Variants in NAV3 observed in about 807,000 individuals in gnomAD.
NAV3 encodes neuron navigator 3, also known as pore membrane and/or filament interacting like protein 1.
NAV3 carries 87 observed loss-of-function variants against 244.7 expected under a neutral mutation model. That is an observed-to-expected ratio of 0.36 (90% confidence interval 0.30 to 0.42). The LOEUF (loss-of-function observed/expected upper bound fraction) is 0.42. NAV3 is among the 20% of genes least tolerant of loss of function. NAV3 has a pLI of 1.00. For synonymous variants in NAV3, 1,126 were observed against 1,042.2 expected (o/e 1.08, Z -1.55); for missense variants, 2,663 against 2,893.3 (o/e 0.92, Z 1.83).
At chr12:77,674,033 C>T (rs696472) in intron 2 of NAV3, among the ~76,000 whole-genome samples, 24,323 of 135,230 alleles carry the variant, frequency 0.18, 3,064 homozygotes, top group African/African-American at 0.43. Flanking sequence ...ATGAAATGAA[C>T]CATCATTTCC....
At chr12:77,902,203 T>A (rs888633491) in intron 1 of NAV3, among the ~76,000 whole-genome samples, 2 of 152,228 alleles carry the variant, frequency 1.3e-5, no homozygotes, top group African/African-American at 4.8e-5. Flanking sequence ...GTAATCAGGA[T>A]GCTACTTTGC....
chr12:78,127,084 G>C (rs542725951), intron 16 of NAV3, 83 bp from the exon 17 acceptor site: 1 of 1,402,180 alleles, frequency 7.1e-7, no homozygotes, highest in Admixed American at 1.8e-5. Flanking sequence ...ATTTTTTATA[G>C]TTCAGAGAAC....
intron 12 of NAV3, among the ~76,000 whole-genome samples, chr12:78,104,742 C>T (rs1205759885): frequency 1.3e-5 from 2 of 152,060 alleles, no homozygotes; most frequent in South Asian, 2.1e-4. Flanking sequence ...TGCATCAAGC[C>T]ATGCAACTGC....
rs539960195 is a variant in NAV3 at position 77,891,295 on chromosome 12, T to C, written c.244-49024T>C. ...TTTATAAAGATAATATAATTTAATA[T>C]AAATTTATAAAGATAAATTTATAAA... On this transcript the variant is annotated intron_variant, in intron 1 of 39. Transcript: ENST00000397909. 6.1e-5 allele frequency among the ~76,000 whole-genome samples: 9 copies of C among 148,742 alleles called. No homozygotes were observed. In the South Asian group the frequency reaches 1.0e-3, roughly 17 times the overall value.
At chr12:77,888,720 C>T (rs922033974) in intron 1 of NAV3, among the ~76,000 whole-genome samples, 2 of 152,042 alleles carry the variant, frequency 1.3e-5, no homozygotes, top group African/African-American at 4.8e-5. Context: ...TTAAGAATGA[C>T]CTGTATGTAT....
At chr12:77,995,190 A>T (rs1160840136) in intron 6 of NAV3, among the ~76,000 whole-genome samples, 2 of 152,222 alleles carry the variant, frequency 1.3e-5, no homozygotes, top group Non-Finnish European at 2.9e-5. Context: ...ATAATCTGGA[A>T]GTTATACAAC....
intron 2 of NAV3, among the ~76,000 whole-genome samples, chr12:77,598,308 A>G (rs1870261975): frequency 6.6e-6 from 1 of 152,008 alleles, no homozygotes; most frequent in Non-Finnish European, 1.5e-5. Context: ...ATCCCAATCT[A>G]TTGACCATTT....
intron 12 of NAV3, among the ~76,000 whole-genome samples, chr12:78,065,442 C>A (rs1203703362): frequency 6.6e-6 from 1 of 152,040 alleles, no homozygotes; most frequent in Non-Finnish European, 1.5e-5. Flanking sequence ...AGAAAACAAG[C>A]CCTGAGAATG....
chr12:78,167,770 GA>G (rs992206548), intron 23 of NAV3, among the ~76,000 whole-genome samples: 1 of 151,420 alleles, frequency 6.6e-6, no homozygotes, highest in Non-Finnish European at 1.5e-5. Flanking sequence ...GGCTGACAAA[GA>G]TCTGATTTTT....
Position 77,988,725 on chromosome 12 carries a change from C to G in NAV3, c.672-6078C>G, listed in dbSNP as rs540135852. On this transcript the variant is annotated intron_variant, in intron 5 of 39. Transcript: ENST00000397909. The stretch of plus-strand genomic sequence containing the variant: ...CTCTTCAATTCAGACATCTAAAAAC[C>G]CTTATTTTACTGCTTTTCTGACTCA... Among the ~76,000 whole-genome samples, 5 of 152,176 alleles carry G rather than the reference C, an allele frequency of 3.3e-5. No individual in the cohort carries two copies. In the South Asian group the frequency reaches 6.2e-4, roughly 19 times the overall value.
chr12:77,784,869 A>T (rs141749753), intron 2 of NAV3, among the ~76,000 whole-genome samples: 1 of 152,268 alleles, frequency 6.6e-6, no homozygotes, highest in African/African-American at 2.4e-5. Flanking sequence ...CAGTAGTAGA[A>T]CTCAGTCCAC....
chr12:77,704,561 C>CT (rs1462021306), intron 2 of NAV3, among the ~76,000 whole-genome samples: 43 of 151,870 alleles, frequency 2.8e-4, no homozygotes, highest in Admixed American at 6.6e-5. Context: ...AACACATAAT[C>CT]TTTTTTTTCT....
intron 2 of NAV3, among the ~76,000 whole-genome samples, chr12:77,761,783 G>T (rs1869480681): frequency 6.6e-6 from 1 of 152,202 alleles, no homozygotes; most frequent in African/African-American, 2.4e-5. Context: ...AACAACAGAT[G>T]CTGGAAAGGT....
At chr12:77,721,780 A>G (rs1026759937) in intron 2 of NAV3, among the ~76,000 whole-genome samples, 7 of 152,142 alleles carry the variant, frequency 4.6e-5, no homozygotes, top group African/African-American at 1.7e-4. Flanking sequence ...CATTTTCCCA[A>G]GGAATTTAGA....
intron 1 of NAV3, among the ~76,000 whole-genome samples, chr12:77,927,341 A>G (rs1888321929): frequency 6.6e-6 from 1 of 152,242 alleles, no homozygotes; most frequent in South Asian, 2.1e-4. Flanking sequence ...TGTAACAGAA[A>G]TAAGGTAGAA....
chr12:77,769,077 C>T (rs1003767064), intron 2 of NAV3, among the ~76,000 whole-genome samples: 1 of 152,034 alleles, frequency 6.6e-6, no homozygotes, highest in South Asian at 2.1e-4. Context: ...TTTTCATTGC[C>T]ATTTTAAAAT....
At chr12:77,705,335 G>A (rs1039926956) in intron 2 of NAV3, among the ~76,000 whole-genome samples, 2 of 151,394 alleles carry the variant, frequency 1.3e-5, no homozygotes, top group South Asian at 2.1e-4. Flanking sequence ...CACAAGAATC[G>A]CTTGAATCCA....
At chr12:77,717,858 T>C (rs1004049144) in intron 2 of NAV3, among the ~76,000 whole-genome samples, 7 of 152,184 alleles carry the variant, frequency 4.6e-5, no homozygotes, top group African/African-American at 1.4e-4. Context: ...CGATGTTGAA[T>C]AACTTTCATA....
chr12:77,776,646 T>C (rs1431493434), intron 2 of NAV3, among the ~76,000 whole-genome samples: 2 of 152,194 alleles, frequency 1.3e-5, no homozygotes, highest in African/African-American at 2.4e-5. Context: ...TGCTCTGTCA[T>C]TGTACCACTG....
Sources: allele counts gnomAD v4.1 joint callset (sites outside exome capture counted in the v4.1 genomes callset), GRCh38; gene constraint gnomAD v4.1.1; transcripts MANE v1.5; gene names NCBI Gene and HGNC (gene_info 2026-07-23, HGNC 2026-07-21).